Variants in CRYBG1 observed in about 807,000 individuals in gnomAD.
CRYBG1 encodes the protein beta/gamma crystallin domain-containing protein 1.
In CRYBG1, 139 loss-of-function variants were observed where a neutral mutation model predicts 189.2. That is an observed-to-expected ratio of 0.73 (90% CI 0.64 to 0.85). The LOEUF (loss-of-function observed/expected upper bound fraction) is 0.85. Ranked by LOEUF, CRYBG1 falls within the 40% of genes least tolerant of loss-of-function variation. The pLI is 0.00. For missense variants in CRYBG1, 2,611 were observed against 2,675.8 expected (o/e 0.98, Z 0.53); for synonymous variants, 1,023 against 1,017.1 (o/e 1.01, Z -0.11).
At position 106,437,125 on chromosome 6, in the gene CRYBG1, A is replaced by G. The variant is rs112232095; in HGVS notation, c.174-14569A>G. On this transcript the variant is annotated intron_variant, in intron 1 of 21. Coordinates refer to ENST00000633556, the MANE Select transcript of CRYBG1 (RefSeq NM_001371242.2). ...GAGAGACCCACTTCTCTAAAAACAA[A>G]ACAAATAAAATTGTATCCTATTGTT... 9.1e-4 allele frequency among the ~76,000 whole-genome samples: 139 copies of G among 152,258 alleles called. 1 individual carries two copies. Among genetic ancestry groups the G allele is most frequent in the African/African-American group, 3.2e-3 (131 of 41,536 alleles).
At chr6:106,437,680 T>G (rs1771485736) in intron 1 of CRYBG1, among the ~76,000 whole-genome samples, 1 of 152,194 alleles carries the variant, frequency 6.6e-6, no homozygotes, top group Non-Finnish European at 1.5e-5. Flanking sequence ...CAATTGATCC[T>G]CCTGCCTTGG....
chr6:106,428,553 A>G (rs1771268647), intron 1 of CRYBG1, among the ~76,000 whole-genome samples: 1 of 152,188 alleles, frequency 6.6e-6, no homozygotes, highest in African/African-American at 2.4e-5. Flanking sequence ...CACATGTACT[A>G]TCCCATTTAA....
intron 19 of CRYBG1, 46 bp downstream of exon 19, chr6:106,560,972 T>G: frequency 6.6e-7 from 1 of 1,515,762 alleles, no homozygotes; most frequent in Non-Finnish European, 8.8e-7. Flanking sequence ...TCTCTGAAAT[T>G]TTTTTGTAAA....
chr6:106,451,904 C>T, intron 2 of CRYBG1, 72 bp downstream of exon 2: 1 of 1,352,844 alleles, frequency 7.4e-7, no homozygotes. Context: ...GTAAGATAGC[C>T]TGTCTAAGAA....
intron 1 of CRYBG1, among the ~76,000 whole-genome samples, chr6:106,367,584 T>TAAAA (rs35734014): frequency 2.2e-3 from 232 of 103,336 alleles, no homozygotes; most frequent in Middle Eastern, 6.2e-3. Flanking sequence ...AGACTCTGTC[T>TAAAA]AAAAAAAAAA....
intron 1 of CRYBG1, among the ~76,000 whole-genome samples, chr6:106,416,435 C>T (rs1582750407): frequency 2.6e-5 from 4 of 152,336 alleles, no homozygotes. Context: ...TTCGATGGTA[C>T]TCTTCAGTCT....
intron 1 of CRYBG1, among the ~76,000 whole-genome samples, chr6:106,411,469 C>T (rs1047983223): frequency 1.3e-5 from 2 of 152,138 alleles, no homozygotes; most frequent in Non-Finnish European, 2.9e-5. Flanking sequence ...ATATTTGTAT[C>T]TACATAGACT....
chr6:106,545,389 T>C (rs1414017930), intron 13 of CRYBG1, among the ~76,000 whole-genome samples: 2 of 152,210 alleles, frequency 1.3e-5, no homozygotes, highest in African/African-American at 2.4e-5. Context: ...CAGTTGACTG[T>C]TTTATTAGTG....
intron 3 of CRYBG1, among the ~76,000 whole-genome samples, chr6:106,516,714 C>T (rs1049058351): frequency 1.3e-5 from 2 of 152,122 alleles, no homozygotes; most frequent in South Asian, 2.1e-4. Flanking sequence ...CTCATTCAGG[C>T]GGGTATAGTC....
At chr6:106,471,877 A>G (rs114867185) in intron 2 of CRYBG1, among the ~76,000 whole-genome samples, 1,762 of 152,262 alleles carry the variant, frequency 0.012, 46 homozygotes, top group African/African-American at 0.04. Flanking sequence ...AAAAGATAGA[A>G]TATTTTACCC....
chr6:106,528,022 T>G (rs1312369832), intron 7 of CRYBG1, among the ~76,000 whole-genome samples: 1 of 152,182 alleles, frequency 6.6e-6, no homozygotes, highest in Admixed American at 6.5e-5. Flanking sequence ...GCTCTTAGGA[T>G]TTGATGATTC....
Position 106,551,974 on chromosome 6 carries a change from G to A in CRYBG1, c.5435G>A (p.Cys1812Tyr), listed in dbSNP as rs1470775179. 2 of 1,599,192 alleles carry A rather than the reference G, an allele frequency of 1.3e-6. No individual in the cohort carries two copies. The highest frequency in any genetic ancestry group is 1.1e-5 in the South Asian group (1 of 88,294). ...AAGATCTCTTCTGTTCAACCTATAT[G>A]TTTGGTAAGGAGTTATATTTTTGTA... ...NCKISSVQPI[C>Y]LDSFTGPRRR... Residue 1812 changes from cysteine (C) to tyrosine (Y), a missense_variant, in exon 14 of 22, where the codon TGT becomes TAT. By Grantham distance (194) the Cys-to-Tyr change is radical. Coordinates refer to ENST00000633556, the MANE Select transcript of CRYBG1 (RefSeq NM_001371242.2).
At chr6:106,480,219 C>A (rs376197363) in intron 2 of CRYBG1, among the ~76,000 whole-genome samples, 1 of 151,998 alleles carries the variant, frequency 6.6e-6, no homozygotes, top group Non-Finnish European at 1.5e-5. Context: ...AAGCCCAGTG[C>A]TATGTGGTTC....
intron 8 of CRYBG1, among the ~76,000 whole-genome samples, chr6:106,532,762 C>T (rs917446643): frequency 3.3e-5 from 5 of 152,192 alleles, no homozygotes; most frequent in South Asian, 2.1e-4. Flanking sequence ...TTTGGTACCC[C>T]GTAGTCCTTG....
chr6:106,478,268 T>G (rs6926643), intron 2 of CRYBG1, among the ~76,000 whole-genome samples: 32,301 of 152,240 alleles, frequency 0.21, 4,576 homozygotes, highest in African/African-American at 0.38. Flanking sequence ...ATCCTTTTGT[T>G]TGAAGATTAG....
intron 2 of CRYBG1, among the ~76,000 whole-genome samples, chr6:106,483,134 A>G (rs1469074037): frequency 6.6e-6 from 1 of 151,842 alleles, no homozygotes; most frequent in Non-Finnish European, 1.5e-5. Context: ...GCCTCTTCCC[A>G]TTCACCTCCA....
At chr6:106,386,805 G>A (rs1384173914) in intron 1 of CRYBG1, among the ~76,000 whole-genome samples, 1 of 152,200 alleles carries the variant, frequency 6.6e-6, no homozygotes, top group African/African-American at 2.4e-5. Flanking sequence ...TCACTTGCCT[G>A]TCATTCACTT....
intron 16 of CRYBG1, 46 bp from the exon 17 acceptor site, chr6:106,555,722 C>T: frequency 6.2e-7 from 1 of 1,600,242 alleles, no homozygotes; most frequent in South Asian, 1.1e-5. Context: ...AATAGGAGTG[C>T]TCAAGTTGCA....
intron 2 of CRYBG1, among the ~76,000 whole-genome samples, chr6:106,461,503 TATC>T (rs1456342495): frequency 1.3e-5 from 2 of 152,200 alleles, no homozygotes; most frequent in Non-Finnish European, 2.9e-5. Context: ...GAGAGGATCT[TATC>T]ATCATTTTGA....
Sources: gnomAD v4.1 joint callset for allele counts (sites outside exome capture counted in the v4.1 genomes callset) on GRCh38, gnomAD v4.1.1 for gene constraint, MANE v1.5 for transcripts, NCBI Gene and HGNC (gene_info 2026-07-23, HGNC 2026-07-21) for gene names.